Variants in NBPF8 observed in about 807,000 individuals in gnomAD.
The protein encoded by NBPF8 is NBPF member 8.
upstream of NBPF8, among the ~76,000 whole-genome samples, chr1:120,431,419 C>CACAT (rs1481380182): frequency 1.3e-4 from 15 of 119,512 alleles, no homozygotes; most frequent in Non-Finnish European, 2.2e-4. Flanking sequence ...CACACACACA[C>CACAT]ATATATATAT....
chr1:120,430,932 C>T (rs1660858502), intron 3 of NBPF8, among the ~76,000 whole-genome samples: 1 of 151,296 alleles, frequency 6.6e-6, no homozygotes, highest in Non-Finnish European at 1.5e-5. Flanking sequence ...AATTGATCTC[C>T]AGATCCAATG....
chr1:120,425,481 G>C (rs61807938), intron 1 of NBPF8, among the ~76,000 whole-genome samples: 111,316 of 151,690 alleles, frequency 0.73, 41,949 homozygotes, highest in African/African-American at 0.92. Flanking sequence ...TGCTGATCTT[G>C]TCTCCACTAT....
chr1:120,468,770 C>T (rs1420658218), downstream of NBPF8, among the ~76,000 whole-genome samples: 8,340 of 150,616 alleles, frequency 0.055, 253 homozygotes, highest in African/African-American at 0.15. Flanking sequence ...TATGTTTCTC[C>T]ACACTCGCTT....
chr1:120,449,436 T>C (rs1556606398), intron 11 of NBPF8, 34 bp downstream of exon 9: 1 of 1,475,760 alleles, frequency 6.8e-7, no homozygotes, highest in Non-Finnish European at 9.5e-7. Flanking sequence ...ATGAAAGTGA[T>C]GAATGATATC....
upstream of NBPF8, among the ~76,000 whole-genome samples, chr1:120,435,579 C>A (rs1310122933): frequency 6.9e-6 from 1 of 145,110 alleles, no homozygotes; most frequent in Non-Finnish European, 1.5e-5. Flanking sequence ...CGCGGTGGCT[C>A]ACGCCTGTAA....
At chr1:120,428,455 G>A (rs1660783137) in intron 3 of NBPF8, among the ~76,000 whole-genome samples, 1 of 151,978 alleles carries the variant, frequency 6.6e-6, no homozygotes, top group South Asian at 2.1e-4. Context: ...AGAGAAGCAG[G>A]GATGGGTCTG....
chr1:120,465,548 A>G (rs1285636995), intron 24 of NBPF8, among the ~76,000 whole-genome samples, 177 bp downstream of exon 22: 2 of 120,628 alleles, frequency 1.7e-5, no homozygotes, highest in African/African-American at 7.9e-5. Flanking sequence ...TCCTCCCCTT[A>G]TCATTTCCTA....
chr1:120,463,105 T>C, intron 21 of NBPF8, 139 bp downstream of exon 19: 1 of 700,348 alleles, frequency 1.4e-6, no homozygotes, highest in South Asian at 1.5e-5. Flanking sequence ...TAGGTTGTAA[T>C]GAGACTGTAG....
upstream of NBPF8, among the ~76,000 whole-genome samples, chr1:120,418,737 AG>A (rs1233293372): frequency 7.7e-6 from 1 of 129,342 alleles, no homozygotes; most frequent in Non-Finnish European, 1.6e-5. Context: ...TTTTGTAGAT[AG>A]GGTTTTCCTG....
intron 1 of NBPF8, among the ~76,000 whole-genome samples, chr1:120,423,850 A>G (rs1209897599): frequency 6.7e-6 from 1 of 149,558 alleles, no homozygotes; most frequent in East Asian, 2.0e-4. Flanking sequence ...TCCACCCTAG[A>G]AGGGTTGACT....
upstream of NBPF8, among the ~76,000 whole-genome samples, chr1:120,415,398 T>G (rs2101349200): frequency 7.0e-4 from 97 of 138,416 alleles, no homozygotes; most frequent in South Asian, 1.2e-3. Context: ...GGTGGGGGGT[T>G]GGGAGGGCGT....
At position 120,452,139 on chromosome 1, in the gene NBPF8, A is replaced by T. The variant is rs202229831; in HGVS notation, n.2097A>T. The T allele has an allele frequency of 4.4e-3, 6,980 of 1,601,878 alleles. 330 individuals are homozygous for T. In the African/African-American group the frequency reaches 0.082, roughly 19 times the overall value. ...TAGGCAATATAAAGTCCTGGTTCAC[A>T]CTCAGGAACGAGAGCTGACCCAGTT... On this transcript the variant is annotated non_coding_transcript_exon_variant, in exon 13 of 25. Transcript: ENST00000583271.
At chr1:120,466,052 C>T in exon 25 of NBPF8, 4 of 1,611,986 alleles carry the variant, frequency 2.5e-6, no homozygotes, top group South Asian at 1.1e-5. Flanking sequence ...TATTCGACTC[C>T]ATCAATGTAC....
chr1:120,432,652 CAAAAG>C (rs1170280640), upstream of NBPF8: 5 of 147,674 alleles, frequency 3.4e-5, no homozygotes, highest in African/African-American at 7.6e-5. Context: ...AAGGCAGACA[CAAAAG>C]AACACAGGTA....
chr1:120,432,056 T>G (rs1425847943), upstream of NBPF8: 1 of 133,422 alleles, frequency 7.5e-6, no homozygotes, highest in Non-Finnish European at 1.6e-5. Flanking sequence ...AATCTATAAC[T>G]AAGTCTGAGT....
intron 12 of NBPF8, 117 bp from the exon 11 acceptor site, chr1:120,452,000 C>G: frequency 1.8e-6 from 2 of 1,137,102 alleles, no homozygotes; most frequent in South Asian, 2.5e-5. Flanking sequence ...TCAACATGTG[C>G]TGACCTTCTG....
At chr1:120,455,287 G>A (rs1404761851) in intron 15 of NBPF8, 122 bp from the exon 14 acceptor site, 48 of 645,462 alleles carry the variant, frequency 7.4e-5, no homozygotes, top group African/African-American at 5.7e-4. Flanking sequence ...GAATATTCCT[G>A]TCAGAATCCT....
exon 25 of NBPF8, chr1:120,466,181 T>C: frequency 3.1e-6 from 5 of 1,609,460 alleles, no homozygotes; most frequent in Non-Finnish European, 3.4e-6. Context: ...GTGACAAGTC[T>C]CTATCTGGTC....
intron 3 of NBPF8, among the ~76,000 whole-genome samples, chr1:120,428,248 A>G (rs2101534523): frequency 6.6e-6 from 1 of 152,352 alleles, no homozygotes; most frequent in South Asian, 2.1e-4. Context: ...CAGCAACCCA[A>G]GAGTGTCTTA....
Sources: allele counts gnomAD v4.1 joint callset (sites outside exome capture counted in the v4.1 genomes callset), GRCh38; gene constraint gnomAD v4.1.1; transcripts MANE v1.5; gene names NCBI Gene and HGNC (gene_info 2026-07-23, HGNC 2026-07-21).